RHBDL2: variants seen among roughly 807,000 people sequenced by gnomAD.
RHBDL2 encodes the protein rhomboid-related protein 2.
RHBDL2 carries 26 observed loss-of-function variants against 31.7 expected under a neutral mutation model. The observed-to-expected ratio is 0.82, with a 90% CI of 0.60 to 1.14. The LOEUF (loss-of-function observed/expected upper bound fraction) is 1.14, where lower values mean the gene tolerates loss of function less well. Ranked by LOEUF, RHBDL2 falls within the 50% of genes most tolerant of loss-of-function variation. The pLI, the probability that RHBDL2 is intolerant of heterozygous loss-of-function variation, is 0.00. For synonymous variants in RHBDL2, 123 were observed against 127.2 expected, an observed-to-expected ratio of 0.97 and a Z score of 0.22; for missense variants, 336 against 364.4, an observed-to-expected ratio of 0.92 and a Z score of 0.63.
chr1:38,937,456 GA>G (rs1643523376), intron 1 of RHBDL2, among the ~76,000 whole-genome samples: 1 of 152,088 alleles, frequency 6.6e-6, no homozygotes, highest in Non-Finnish European at 1.5e-5. Flanking sequence ...GAGAAACAAT[GA>G]AAACAGAGTT....
chr1:38,915,363 G>A (rs1643218348), intron 3 of RHBDL2, 199 bp downstream of exon 3: 1 of 517,506 alleles, frequency 1.9e-6, no homozygotes, highest in Non-Finnish European at 3.4e-6. Context: ...GACCTCAAGT[G>A]ATCTGCCCAC....
rs551730282 is a variant in RHBDL2 at position 38,930,448 on chromosome 1, T to C, written c.-125-11111A>G. ...CAGAGTCTGGGCCGCCCCACAGCTA[T>C]TTAACATATTACATATATTTGTGTA... is the stretch of plus-strand genomic sequence containing the variant. On this transcript the variant is annotated intron_variant, in intron 1 of 7. Coordinates refer to ENST00000372990, the MANE Select transcript of RHBDL2 (RefSeq NM_017821.5). Among the ~76,000 whole-genome samples the C allele has an allele frequency of 7.2e-5, 11 of 152,328 alleles. No individual in the cohort carries two copies. The South Asian group carries it at 2.3e-3, about 32-fold the overall frequency.
At chr1:38,905,551 A>G (rs1163150094) in intron 4 of RHBDL2, among the ~76,000 whole-genome samples, 3 of 150,666 alleles carry the variant, frequency 2.0e-5, no homozygotes, top group South Asian at 2.1e-4. Flanking sequence ...GGAGTTTGAA[A>G]TCAGCCTGGC....
At chr1:38,892,311 G>A (rs1418351272) in intron 6 of RHBDL2, among the ~76,000 whole-genome samples, 1 of 151,904 alleles carries the variant, frequency 6.6e-6, no homozygotes, top group Non-Finnish European at 1.5e-5. Flanking sequence ...TATATCAGTG[G>A]TTTCCAAGTT....
intron 1 of RHBDL2, among the ~76,000 whole-genome samples, chr1:38,920,225 T>C (rs1290504408): frequency 2.2e-5 from 3 of 137,000 alleles, no homozygotes; most frequent in East Asian, 4.2e-4. Context: ...TGGAGTCCAG[T>C]GGTGCGATCT....
rs1485306198 is a variant in RHBDL2 at position 38,886,362 on chromosome 1, C to T, written c.*142G>A. On this transcript the variant is annotated 3_prime_UTR_variant, in exon 8 of 8. Transcript: ENST00000372990. ...GTCCTTTTATAGGCAATCTTTGCAA[C>T]TGATGAGTTTAATGCTGTTTTGTCC... 5 of 490,770 alleles carry T rather than the reference C, an allele frequency of 1.0e-5. No homozygotes were observed. The highest frequency in any genetic ancestry group is 1.7e-5 in the Non-Finnish European group (5 of 299,092). 30.4% of individuals were successfully genotyped at this position (490,770 alleles called of 1,614,324 possible).
chr1:38,925,161 T>C (rs892975433), intron 1 of RHBDL2, among the ~76,000 whole-genome samples: 11 of 152,114 alleles, frequency 7.2e-5, no homozygotes, highest in African/African-American at 2.7e-4. Flanking sequence ...TCAGATGCCC[T>C]AATGCACTAC....
At chr1:38,932,634 A>C (rs545190348) in intron 1 of RHBDL2, among the ~76,000 whole-genome samples, 96 of 152,028 alleles carry the variant, frequency 6.3e-4, no homozygotes, top group Non-Finnish European at 1.1e-3. Flanking sequence ...TAATTTTCGC[A>C]TTTTTTGTAG....
intron 2 of RHBDL2, 52 bp downstream of exon 2, chr1:38,918,915 T>C: frequency 1.3e-6 from 2 of 1,579,656 alleles, no homozygotes; most frequent in Non-Finnish European, 1.7e-6. Context: ...CCTAGTTTGT[T>C]CCCAGCTTCC....
chr1:38,885,852 A>G lies in RHBDL2; in HGVS notation c.*652T>C, dbSNP rs1642775649. The G allele has an allele frequency of 6.6e-6, 1 of 152,654 alleles. No homozygotes were observed. Among genetic ancestry groups the G allele is most frequent in the South Asian group, 2.1e-4 (1 of 4,834 alleles). The allele number at this position is 152,654 out of a possible 1,614,324, so 9.5% of individuals were successfully genotyped here. A position where few individuals can be genotyped will look rare whatever the true frequency, so the allele number is the denominator to read the frequency against. ...TATCAGCATTGTACAGTATTCATAG[A>G]TTTTATGAAGCATTCTCCAAAATAT... On this transcript the variant is annotated 3_prime_UTR_variant, in exon 8 of 8. Transcript: ENST00000372990.
chr1:38,930,180 G>A (rs954177963), intron 1 of RHBDL2, among the ~76,000 whole-genome samples: 2 of 152,136 alleles, frequency 1.3e-5, no homozygotes, highest in African/African-American at 4.8e-5. Context: ...CCAGTCACAT[G>A]CAGGGCCTCT....
intron 1 of RHBDL2, among the ~76,000 whole-genome samples, chr1:38,920,233 T>C (rs923542524): frequency 4.2e-5 from 6 of 141,348 alleles, no homozygotes; most frequent in Non-Finnish European, 7.5e-5. Context: ...AGTGGTGCGA[T>C]CTCGGCTCAC....
At chr1:38,905,443 G>C (rs1423332358) in intron 4 of RHBDL2, among the ~76,000 whole-genome samples, 1 of 150,050 alleles carries the variant, frequency 6.7e-6, no homozygotes, top group South Asian at 2.2e-4. Context: ...GATTGGTAAA[G>C]AGCACCTACA....
At chr1:38,913,286 T>C (rs1047979765) in intron 3 of RHBDL2, among the ~76,000 whole-genome samples, 1 of 151,830 alleles carries the variant, frequency 6.6e-6, no homozygotes, top group African/African-American at 2.4e-5. Flanking sequence ...GCCTACTATA[T>C]ACTATAATAC....
chr1:38,906,208 C>T (rs1036438170), intron 4 of RHBDL2, among the ~76,000 whole-genome samples: 2 of 151,584 alleles, frequency 1.3e-5, no homozygotes, highest in Non-Finnish European at 2.9e-5. Flanking sequence ...CTAGCCAACA[C>T]AATAAGGCAA....
chr1:38,917,169 C>A (rs1009872549), intron 2 of RHBDL2, among the ~76,000 whole-genome samples: 3 of 151,538 alleles, frequency 2.0e-5, no homozygotes, highest in African/African-American at 4.8e-5. Context: ...AGGTGCCCGC[C>A]ACCATGCCCG....
At chr1:38,917,309 G>A (rs945882775) in intron 2 of RHBDL2, among the ~76,000 whole-genome samples, 1 of 152,120 alleles carries the variant, frequency 6.6e-6, no homozygotes. Flanking sequence ...GCACCACTGC[G>A]CCCGGCCTAC....
In RHBDL2 at chr1:38,918,115, T is replaced by A. The variant is rs570619856; in HGVS notation, c.246+852A>T. 2.0e-4 allele frequency among the ~76,000 whole-genome samples: 31 copies of A among 152,328 alleles called. No individual in the cohort carries two copies. In the South Asian group the frequency reaches 5.8e-3, roughly 29 times the overall value. On this transcript the variant is annotated intron_variant, in intron 2 of 7. Coordinates refer to ENST00000372990, the MANE Select transcript of RHBDL2 (RefSeq NM_017821.5). ...AGATTTTGGACTTGCCAAGTCTCCA[T>A]AATCATTTGAGCTAATTCCTTAAAA...
At chr1:38,920,850 C>T (rs997944193) in intron 1 of RHBDL2, among the ~76,000 whole-genome samples, 48 of 147,598 alleles carry the variant, frequency 3.3e-4, no homozygotes, top group African/African-American at 1.0e-3. Context: ...CTCCTGACCT[C>T]GTGATCCGCC....
Sources: gnomAD v4.1 joint callset for allele counts (sites outside exome capture counted in the v4.1 genomes callset) on GRCh38, gnomAD v4.1.1 for gene constraint, MANE v1.5 for transcripts, NCBI Gene and HGNC (gene_info 2026-07-23, HGNC 2026-07-21) for gene names.